LDLRAD3: variants seen among roughly 807,000 people sequenced by gnomAD.
LDLRAD3 encodes the protein low density lipoprotein receptor class A domain containing 3.
In LDLRAD3, 20 loss-of-function variants were observed where a neutral mutation model predicts 29.4. The observed-to-expected ratio is 0.68, with a 90% CI of 0.48 to 0.99. The LOEUF is 0.99. LDLRAD3 is among the 50% of genes least tolerant of loss of function. The pLI, the probability that LDLRAD3 is intolerant of heterozygous loss-of-function variation, is 0.00. For missense variants in LDLRAD3, 420 were observed against 454.3 expected, an observed-to-expected ratio of 0.92 and a Z score of 0.69; for synonymous variants, 157 against 192.7, an observed-to-expected ratio of 0.81 and a Z score of 1.53.
chr11:36,216,731 G>A (rs900381170), intron 4 of LDLRAD3, among the ~76,000 whole-genome samples: 5 of 152,130 alleles, frequency 3.3e-5, no homozygotes, highest in African/African-American at 4.8e-5. Context: ...TAATCCAGTC[G>A]TTGTCACACC....
intron 1 of LDLRAD3, among the ~76,000 whole-genome samples, chr11:35,952,944 G>T (rs887152651): frequency 4.6e-5 from 7 of 152,120 alleles, no homozygotes; most frequent in African/African-American, 1.7e-4. Flanking sequence ...AGAAATAATT[G>T]GCCCCATCTT....
chr11:36,171,351 G>T (rs938158394), intron 4 of LDLRAD3, among the ~76,000 whole-genome samples: 2 of 152,062 alleles, frequency 1.3e-5, no homozygotes, highest in African/African-American at 4.8e-5. Context: ...TTGGGTTCTT[G>T]GTCATGAAGT....
chr11:36,031,974 G>A (rs2759286), intron 1 of LDLRAD3, among the ~76,000 whole-genome samples: 62,594 of 152,082 alleles, frequency 0.41, 15,745 homozygotes, highest in Admixed American at 0.56. Context: ...CAGGATTAGC[G>A]TCCTCTGAGG....
intron 2 of LDLRAD3, among the ~76,000 whole-genome samples, chr11:36,038,805 A>G (rs1362878946): frequency 6.6e-6 from 1 of 152,200 alleles, no homozygotes; most frequent in Admixed American, 6.5e-5. Flanking sequence ...TGAGCAAAAC[A>G]TAATTAAAAA....
At chr11:36,163,133 C>A (rs538409206) in intron 4 of LDLRAD3, among the ~76,000 whole-genome samples, 1 of 152,204 alleles carries the variant, frequency 6.6e-6, no homozygotes, top group Non-Finnish European at 1.5e-5. Context: ...GAAGCCAGGG[C>A]GGATCAGCAA....
At chr11:36,058,616 T>A (rs76065778) in intron 2 of LDLRAD3, among the ~76,000 whole-genome samples, 3,384 of 152,326 alleles carry the variant, frequency 0.022, 106 homozygotes, top group East Asian at 0.12. Flanking sequence ...AAATCCTTCT[T>A]GAGTCCTCTG....
At chr11:36,137,282 A>G (rs1235447067) in intron 4 of LDLRAD3, among the ~76,000 whole-genome samples, 2 of 152,240 alleles carry the variant, frequency 1.3e-5, no homozygotes, top group Non-Finnish European at 2.9e-5. Context: ...TGGGGTAGCC[A>G]GAACATTTAA....
At chr11:36,021,907 C>G (rs1352465734) in intron 1 of LDLRAD3, among the ~76,000 whole-genome samples, 1 of 152,172 alleles carries the variant, frequency 6.6e-6, no homozygotes. Flanking sequence ...TACCTGAGCC[C>G]TGCAAGTGCT....
At chr11:36,006,631 T>G (rs934421466) in intron 1 of LDLRAD3, among the ~76,000 whole-genome samples, 1 of 152,210 alleles carries the variant, frequency 6.6e-6, no homozygotes, top group African/African-American at 2.4e-5. Context: ...TATGTTTCCT[T>G]GGGCAAGTTT....
At chr11:36,143,347 T>C (rs1854115037) in intron 4 of LDLRAD3, among the ~76,000 whole-genome samples, 1 of 152,206 alleles carries the variant, frequency 6.6e-6, no homozygotes, top group African/African-American at 2.4e-5. Context: ...CGTGGTGGCC[T>C]TGAATGAGAA....
In LDLRAD3 at chr11:36,226,996, G is replaced by A. The variant is rs1018626852; in HGVS notation, c.455-89G>A. 5.4e-5 allele frequency: 56 copies of A among 1,038,746 alleles called. No homozygotes were observed. In the African/African-American group the frequency reaches 6.7e-4, roughly 12 times the overall value. 64.3% of individuals were successfully genotyped at this position (1,038,746 alleles called of 1,614,324 possible). ...GTGAATAGGGCTACTGTGAACATTCGCATGCAAGTTCTGGGGCTGATGTTG... is the reference window on the plus strand; with the variant it reads ...GTGAATAGGGCTACTGTGAACATTCACATGCAAGTTCTGGGGCTGATGTTG... On this transcript the variant is annotated intron_variant, in intron 4 of 5. Transcript: ENST00000315571.
At chr11:36,133,571 G>A (rs1382703273) in intron 4 of LDLRAD3, among the ~76,000 whole-genome samples, 5 of 131,308 alleles carry the variant, frequency 3.8e-5, no homozygotes, top group South Asian at 5.0e-4. Flanking sequence ...TTTTTGAGAC[G>A]GAGTCTTGCT....
chr11:36,223,764 T>A (rs1392792853), intron 4 of LDLRAD3, among the ~76,000 whole-genome samples: 2 of 136,758 alleles, frequency 1.5e-5, no homozygotes, highest in African/African-American at 2.7e-5. Flanking sequence ...ATAAAAAAAA[T>A]ACATCTCACT....
At chr11:36,101,361 C>T (rs1853444242) in intron 4 of LDLRAD3, among the ~76,000 whole-genome samples, 1 of 152,198 alleles carries the variant, frequency 6.6e-6, no homozygotes, top group Non-Finnish European at 1.5e-5. Context: ...TTGCTAAGTG[C>T]TGAAGACTAG....
chr11:36,073,891 G>A (rs1441566930), intron 2 of LDLRAD3, among the ~76,000 whole-genome samples: 1 of 152,182 alleles, frequency 6.6e-6, no homozygotes, highest in Non-Finnish European at 1.5e-5. Context: ...CTAAGGAGGC[G>A]GCAGAGCAGC....
intron 1 of LDLRAD3, among the ~76,000 whole-genome samples, chr11:35,991,486 T>G (rs1237061785): frequency 6.6e-6 from 1 of 152,114 alleles, no homozygotes; most frequent in African/African-American, 2.4e-5. Flanking sequence ...CCTATAATGG[T>G]TTATCATATT....
intron 1 of LDLRAD3, among the ~76,000 whole-genome samples, chr11:36,008,803 A>C (rs1264406882): frequency 6.6e-6 from 1 of 152,218 alleles, no homozygotes; most frequent in Non-Finnish European, 1.5e-5. Flanking sequence ...TGTTCAGGGA[A>C]GAAGTACTGC....
At chr11:36,069,762 G>A (rs575521694) in intron 2 of LDLRAD3, among the ~76,000 whole-genome samples, 16 of 151,998 alleles carry the variant, frequency 1.1e-4, no homozygotes, top group South Asian at 2.1e-4. Context: ...TTACACAGGC[G>A]GCTTGGAACA....
intron 1 of LDLRAD3, among the ~76,000 whole-genome samples, chr11:35,977,644 A>G (rs1029857362): frequency 2.0e-5 from 3 of 152,198 alleles, no homozygotes; most frequent in African/African-American, 4.8e-5. Flanking sequence ...TCAAGCTGCT[A>G]TAACAAAAAA....
Sources: gnomAD v4.1 joint callset for allele counts (sites outside exome capture counted in the v4.1 genomes callset) on GRCh38, gnomAD v4.1.1 for gene constraint, MANE v1.5 for transcripts, NCBI Gene and HGNC (gene_info 2026-07-23, HGNC 2026-07-21) for gene names.